Variants in NLGN1 observed in about 807,000 individuals in gnomAD.
NLGN1 encodes the protein neuroligin 1, also known as neuroligin-1.
Under a neutral mutation model 65.5 loss-of-function variants are expected in NLGN1, and 12 were observed. The ratio of observed to expected loss-of-function variants is 0.18; its 90% CI spans 0.12 to 0.30. The LOEUF (loss-of-function observed/expected upper bound fraction) is 0.30. NLGN1 is among the 10% of genes least tolerant of loss of function. The pLI, the probability that NLGN1 is intolerant of heterozygous loss-of-function variation, is 1.00. For missense variants in NLGN1, 750 were observed against 1,007.1 expected (o/e 0.74, Z 3.46); for synonymous variants, 350 against 359.5 (o/e 0.97, Z 0.30).
intron 4 of NLGN1, among the ~76,000 whole-genome samples, chr3:174,080,850 A>T (rs1264647314): frequency 6.6e-6 from 1 of 150,756 alleles, no homozygotes; most frequent in Admixed American, 6.6e-5. Flanking sequence ...GGCTGAGACC[A>T]ATTATTATTT....
intron 4 of NLGN1, among the ~76,000 whole-genome samples, chr3:174,156,425 T>A (rs1028209796): frequency 1.3e-5 from 2 of 151,816 alleles, no homozygotes; most frequent in African/African-American, 2.4e-5. Flanking sequence ...TTTTTAACGC[T>A]GCCCATTCTC....
At chr3:173,762,970 ACAC>A (rs1303023031) in intron 3 of NLGN1, among the ~76,000 whole-genome samples, 2 of 146,110 alleles carry the variant, frequency 1.4e-5, no homozygotes, top group Non-Finnish European at 3.0e-5. Flanking sequence ...TCTGATACAC[ACAC>A]ACACACACAC....
chr3:173,405,520 C>T (rs532621950), intron 1 of NLGN1, among the ~76,000 whole-genome samples: 63 of 152,028 alleles, frequency 4.1e-4, no homozygotes, highest in African/African-American at 9.9e-4. Context: ...ACATGATCCT[C>T]GTTTTTTAAA....
intron 2 of NLGN1, among the ~76,000 whole-genome samples, chr3:173,564,125 A>G (rs1743244402): frequency 6.6e-6 from 1 of 152,238 alleles, no homozygotes; most frequent in Admixed American, 6.5e-5. Flanking sequence ...TACCAGTTGC[A>G]GTCCTGCCAT....
At chr3:173,708,091 A>G (rs1768329588) in intron 3 of NLGN1, among the ~76,000 whole-genome samples, 1 of 152,196 alleles carries the variant, frequency 6.6e-6, no homozygotes, top group African/African-American at 2.4e-5. Context: ...TTTGATCATC[A>G]CAGTTTTGCA....
chr3:174,079,648 T>C (rs765152571), intron 4 of NLGN1, among the ~76,000 whole-genome samples: 33 of 152,294 alleles, frequency 2.2e-4, no homozygotes, highest in Non-Finnish European at 4.3e-4. Flanking sequence ...TGCCCATCAA[T>C]GGTAGTCTGG....
At chr3:173,412,569 A>T (rs544439241) in intron 1 of NLGN1, among the ~76,000 whole-genome samples, 11 of 151,912 alleles carry the variant, frequency 7.2e-5, no homozygotes, top group African/African-American at 2.7e-4. Flanking sequence ...TATCTTAATT[A>T]CCACACTAAC....
Position 173,823,896 on chromosome 3 carries a change from A to G in NLGN1, c.646+16064A>G, listed in dbSNP as rs192828498. Among the ~76,000 whole-genome samples, 1,269 of 146,698 alleles carry G rather than the reference A, an allele frequency of 8.7e-3. 17 individuals are homozygous for G. Among genetic ancestry groups the G allele is most frequent in the African/African-American group, 0.031 (1,220 of 39,756 alleles). On this transcript the variant is annotated intron_variant, in intron 4 of 6. Coordinates refer to ENST00000457714, the Ensembl canonical transcript of NLGN1. ...TTTGAAGATTAATGAGTATTTTAAAATAATGTTATTTTCTTGTTAATTTAA... is the reference window on the plus strand; with the variant it reads ...TTTGAAGATTAATGAGTATTTTAAAGTAATGTTATTTTCTTGTTAATTTAA...
At chr3:174,231,167 A>G (rs1740631425) in intron 4 of NLGN1, among the ~76,000 whole-genome samples, 1 of 152,202 alleles carries the variant, frequency 6.6e-6, no homozygotes, top group African/African-American at 2.4e-5. Context: ...TTTCTCAGTT[A>G]TAATTTTTAG....
intron 4 of NLGN1, among the ~76,000 whole-genome samples, chr3:174,217,725 G>A (rs1737884781): frequency 6.6e-6 from 1 of 152,050 alleles, no homozygotes; most frequent in Admixed American, 6.6e-5. Flanking sequence ...CAGTTTTTAT[G>A]AAGTGTAGGG....
intron 4 of NLGN1, among the ~76,000 whole-genome samples, chr3:173,833,504 C>A (rs974523067): frequency 5.3e-5 from 8 of 151,360 alleles, no homozygotes; most frequent in African/African-American, 1.7e-4. Context: ...CATAGTTTAT[C>A]CTCTATCTTT....
rs1184375063 is a variant in NLGN1 at position 174,112,754 on chromosome 3, AAT to A, written c.647-162558_647-162557del. Among the ~76,000 whole-genome samples the A allele has an allele frequency of 3.3e-5, 5 of 152,072 alleles. No individual in the cohort carries two copies. The East Asian group carries it at 9.6e-4, about 29-fold the overall frequency. ...AAGCTAATAACATCATGTTTCTAAA[AAT>A]ATGTTAGATTAAAATAAAAATATGA... is the stretch of plus-strand genomic sequence containing the variant. On this transcript the variant is annotated intron_variant, in intron 4 of 6. Coordinates refer to ENST00000457714, the Ensembl canonical transcript of NLGN1.
intron 4 of NLGN1, among the ~76,000 whole-genome samples, chr3:173,835,580 T>TACAC (rs57183549): frequency 0.011 from 1,634 of 146,478 alleles, 30 homozygotes; most frequent in African/African-American, 0.036. Context: ...TTCAAACACA[T>TACAC]ACACACACAC....
intron 4 of NLGN1, among the ~76,000 whole-genome samples, chr3:173,914,642 G>A (rs990018390): frequency 1.3e-5 from 2 of 152,094 alleles, no homozygotes; most frequent in East Asian, 3.9e-4. Context: ...GTGTGTGGTG[G>A]CAGGGGATGG....
At position 173,508,341 on chromosome 3, in the gene NLGN1, C is replaced by T. The variant is rs373593738; in HGVS notation, c.-321+73263C>T. On this transcript the variant is annotated intron_variant, in intron 2 of 6. Transcript: ENST00000457714. Reference sequence around the variant, plus strand: ...GTTATGATGCATGTAATTATTTTTTCTGACAGATCCTTTTGTGTCTTAGGT... The same window carrying T: ...GTTATGATGCATGTAATTATTTTTTTTGACAGATCCTTTTGTGTCTTAGGT... 2.6e-5 allele frequency among the ~76,000 whole-genome samples: 4 copies of T among 152,042 alleles called. No individual in the cohort carries two copies. In the East Asian group the frequency reaches 7.7e-4, roughly 29 times the overall value.
intron 4 of NLGN1, among the ~76,000 whole-genome samples, chr3:174,129,699 C>A (rs911598425): frequency 5.3e-5 from 8 of 152,044 alleles, no homozygotes; most frequent in African/African-American, 1.9e-4. Flanking sequence ...GGAATTAAGT[C>A]CTTATCATTG....
chr3:173,597,370 A>G (rs1199853031), intron 2 of NLGN1, among the ~76,000 whole-genome samples: 2 of 152,214 alleles, frequency 1.3e-5, no homozygotes, highest in African/African-American at 4.8e-5. Flanking sequence ...ACTAAGTGAC[A>G]TGAACTATGT....
intron 2 of NLGN1, among the ~76,000 whole-genome samples, chr3:173,535,031 A>G (rs2149198218): frequency 6.6e-6 from 1 of 152,334 alleles, no homozygotes; most frequent in Admixed American, 6.5e-5. Flanking sequence ...CTCTCCCCCA[A>G]TCACAGGGCA....
intron 4 of NLGN1, among the ~76,000 whole-genome samples, chr3:174,212,322 G>T (rs1196271289): frequency 6.6e-6 from 1 of 152,222 alleles, no homozygotes; most frequent in Admixed American, 6.5e-5. Flanking sequence ...CGCAAGCGCC[G>T]TGCGCAGCCC....
Sources: allele counts gnomAD v4.1 joint callset (sites outside exome capture counted in the v4.1 genomes callset), GRCh38; gene constraint gnomAD v4.1.1; transcripts MANE v1.5; gene names NCBI Gene and HGNC (gene_info 2026-07-23, HGNC 2026-07-21).